The following HORMAD2 variants were observed in gnomAD, a reference collection of about 807,000 sequenced individuals.
The protein encoded by HORMAD2 is HORMA domain containing 2.
In HORMAD2, 45 loss-of-function variants were observed where a neutral mutation model predicts 38.8. The ratio of observed to expected loss-of-function variants is 1.16; its 90% CI spans 0.91 to 1.49. HORMAD2 has a LOEUF of 1.49. Ranked by LOEUF, HORMAD2 falls within the 40% of genes most tolerant of loss-of-function variation. The pLI is 0.00. For synonymous variants in HORMAD2, 126 were observed against 122.8 expected (o/e 1.03, Z -0.17); for missense variants, 338 against 367.0 (o/e 0.92, Z 0.65).
chr22:30,163,105 C>G (rs920323679), intron 10 of HORMAD2, among the ~76,000 whole-genome samples: 1 of 152,148 alleles, frequency 6.6e-6, no homozygotes, highest in African/African-American at 2.4e-5. Flanking sequence ...TATTAGTATA[C>G]TTAAATGAAC....
chr22:30,112,866 A>G (rs1198207363), intron 7 of HORMAD2, among the ~76,000 whole-genome samples: 1 of 152,110 alleles, frequency 6.6e-6, no homozygotes, highest in African/African-American at 2.4e-5. Context: ...TCCGAGTCAT[A>G]TAAAACCACA....
At chr22:30,143,796 G>A (rs1178505656) in intron 10 of HORMAD2, among the ~76,000 whole-genome samples, 1 of 152,122 alleles carries the variant, frequency 6.6e-6, no homozygotes, top group Admixed American at 6.6e-5. Context: ...GGAGGTGTTT[G>A]GGTCATGGGT....
chr22:30,107,168 T>C (rs1921261963), intron 5 of HORMAD2, among the ~76,000 whole-genome samples: 1 of 152,080 alleles, frequency 6.6e-6, no homozygotes. Context: ...CCCAGGGAGG[T>C]CATAATATAA....
intron 10 of HORMAD2, among the ~76,000 whole-genome samples, chr22:30,149,617 G>A (rs1270125635): frequency 6.6e-6 from 1 of 152,160 alleles, no homozygotes; most frequent in Admixed American, 6.6e-5. Flanking sequence ...TCTCATCCTG[G>A]AATTTCCTTT....
chr22:30,088,401 A>G (rs960506842), intron 1 of HORMAD2, among the ~76,000 whole-genome samples: 5 of 151,482 alleles, frequency 3.3e-5, no homozygotes, highest in African/African-American at 4.8e-5. Flanking sequence ...TCCTTTCTCA[A>G]TAGCAAGTGT....
At chr22:30,134,141 G>A (rs764567461) in intron 10 of HORMAD2, among the ~76,000 whole-genome samples, 8 of 152,070 alleles carry the variant, frequency 5.3e-5, no homozygotes, top group Admixed American at 2.0e-4. Flanking sequence ...GCTAATGCCT[G>A]TAATCCCAGC....
intron 10 of HORMAD2, among the ~76,000 whole-genome samples, chr22:30,174,208 G>C (rs1926292264): frequency 6.6e-6 from 1 of 152,166 alleles, no homozygotes; most frequent in Non-Finnish European, 1.5e-5. Flanking sequence ...AAAAGTATTA[G>C]AAGTCATTTG....
At chr22:30,111,543 G>T (rs1386689672) in intron 5 of HORMAD2, among the ~76,000 whole-genome samples, 2 of 152,076 alleles carry the variant, frequency 1.3e-5, no homozygotes, top group Non-Finnish European at 2.9e-5. Context: ...GATATGGAAG[G>T]CTGACTTTTC....
chr22:30,144,105 G>A (rs1924262341), intron 10 of HORMAD2, among the ~76,000 whole-genome samples: 1 of 152,180 alleles, frequency 6.6e-6, no homozygotes, highest in Admixed American at 6.5e-5. Context: ...GCCTAATACA[G>A]CGGTTTCATC....
chr22:30,109,863 CT>C (rs1277341949), intron 5 of HORMAD2, among the ~76,000 whole-genome samples: 2 of 151,944 alleles, frequency 1.3e-5, no homozygotes, highest in African/African-American at 4.8e-5. Flanking sequence ...TTTTGTATAC[CT>C]TTTGCCTCCA....
chr22:30,125,220 T>C (rs1438647942), intron 10 of HORMAD2, among the ~76,000 whole-genome samples: 1 of 61,996 alleles, frequency 1.6e-5, no homozygotes, highest in Non-Finnish European at 2.8e-5. Flanking sequence ...TCTTTTCTTT[T>C]TTTTTTTTTT....
intron 1 of HORMAD2, among the ~76,000 whole-genome samples, chr22:30,087,499 G>A (rs1343195030): frequency 6.6e-6 from 1 of 152,074 alleles, no homozygotes; most frequent in Non-Finnish European, 1.5e-5. Context: ...AAAAAGAAGA[G>A]CTCTGTTTTA....
chr22:30,123,660 TA>T (rs1922619392), intron 10 of HORMAD2, among the ~76,000 whole-genome samples: 1 of 150,374 alleles, frequency 6.7e-6, no homozygotes, highest in South Asian at 2.1e-4. Context: ...TTTATTTATT[TA>T]TTTATTTATT....
chr22:30,093,293 A>G (rs892940433), intron 1 of HORMAD2, among the ~76,000 whole-genome samples: 3 of 152,158 alleles, frequency 2.0e-5, no homozygotes, highest in Admixed American at 6.5e-5. Flanking sequence ...TAGTTGAATG[A>G]ATAACTATTT....
intron 5 of HORMAD2, among the ~76,000 whole-genome samples, chr22:30,107,891 C>T (rs147432326): frequency 0.079 from 11,533 of 145,076 alleles, 524 homozygotes; most frequent in African/African-American, 0.095. Flanking sequence ...TTTTTTGAGA[C>T]GGAGTCTCGC....
intron 1 of HORMAD2, among the ~76,000 whole-genome samples, chr22:30,085,070 C>G (rs185846492): frequency 6.6e-6 from 1 of 151,228 alleles, no homozygotes; most frequent in Non-Finnish European, 1.5e-5. Context: ...GGCATGAACC[C>G]GGGAGGTGGG....
At chr22:30,185,428 A>G in the HORMAD2 span, among the ~76,000 whole-genome samples, 1 of 152,274 alleles carries the variant, frequency 6.6e-6, no homozygotes, top group Non-Finnish European at 1.5e-5. Flanking sequence ...TGATTATAGT[A>G]TATAAAGCAA....
the HORMAD2 span, among the ~76,000 whole-genome samples, chr22:30,190,390 G>A: frequency 2.6e-5 from 4 of 152,202 alleles, no homozygotes; most frequent in Non-Finnish European, 5.9e-5. Flanking sequence ...TGTGTCTTCT[G>A]GGCATTGAAT....
intron 10 of HORMAD2, among the ~76,000 whole-genome samples, chr22:30,151,896 T>C (rs1488381111): frequency 2.0e-5 from 3 of 152,342 alleles, no homozygotes; most frequent in East Asian, 3.9e-4. Context: ...AGTAAGACTT[T>C]GAAATTGTCA....
Sources: gnomAD v4.1 joint callset for allele counts (sites outside exome capture counted in the v4.1 genomes callset) on GRCh38, gnomAD v4.1.1 for gene constraint, MANE v1.5 for transcripts, NCBI Gene and HGNC (gene_info 2026-07-23, HGNC 2026-07-21) for gene names.